Variants in SDK2 observed in about 807,000 individuals in gnomAD.
The protein encoded by SDK2 is protein sidekick-2.
SDK2 carries 105 observed loss-of-function variants against 253.9 expected under a neutral mutation model. That is an observed-to-expected ratio of 0.41 (90% CI 0.35 to 0.49). The LOEUF (loss-of-function observed/expected upper bound fraction) is 0.49. SDK2 is among the 20% of genes least tolerant of loss of function. The probability of loss-of-function intolerance (pLI) is 0.06; values close to 1 mark genes in which losing one functional copy is unlikely to be tolerated. For missense variants in SDK2, 2,608 were observed against 3,003.0 expected (o/e 0.87, Z 3.07); for synonymous variants, 1,249 against 1,234.9 (o/e 1.01, Z -0.24).
chr17:73,615,556 TCCCCAAGC>T (rs2046042788), intron 1 of SDK2, among the ~76,000 whole-genome samples: 1 of 152,136 alleles, frequency 6.6e-6, no homozygotes, highest in African/African-American at 2.4e-5. Context: ...ACAGACCTTC[TCCCCAAGC>T]CCCGTCCCTC....
intron 38 of SDK2, among the ~76,000 whole-genome samples, chr17:73,362,175 T>C (rs2062647151): frequency 1.3e-5 from 2 of 152,264 alleles, no homozygotes; most frequent in South Asian, 4.1e-4. Context: ...TCCTGTTTAA[T>C]GTAACCTCTG....
chr17:73,610,200 C>G (rs1304648822), intron 1 of SDK2, among the ~76,000 whole-genome samples: 1 of 152,206 alleles, frequency 6.6e-6, no homozygotes, highest in Non-Finnish European at 1.5e-5. Context: ...AAAGTATACC[C>G]TAAAAGTTGT....
At chr17:73,547,239 AG>A (rs2145831040) in intron 1 of SDK2, among the ~76,000 whole-genome samples, 1 of 152,364 alleles carries the variant, frequency 6.6e-6, no homozygotes, top group East Asian at 1.9e-4. Flanking sequence ...GCAGGTCTCT[AG>A]GGCTCAACTT....
At chr17:73,564,780 G>A (rs1021133092) in intron 1 of SDK2, among the ~76,000 whole-genome samples, 4 of 151,798 alleles carry the variant, frequency 2.6e-5, no homozygotes, top group Non-Finnish European at 4.4e-5. Context: ...GGCCGAGATC[G>A]CGCCACTGCA....
chr17:73,569,736 A>G (rs1331071990), intron 1 of SDK2, among the ~76,000 whole-genome samples: 2 of 151,988 alleles, frequency 1.3e-5, no homozygotes, highest in Non-Finnish European at 2.9e-5. Flanking sequence ...GGGAAAGATC[A>G]GACGAGAAAA....
chr17:73,607,187 C>T (rs1476481272), intron 1 of SDK2, among the ~76,000 whole-genome samples: 1 of 152,216 alleles, frequency 6.6e-6, no homozygotes, highest in African/African-American at 2.4e-5. Context: ...GAGGACTTCA[C>T]AGGATCCTCC....
In SDK2 at chr17:73,373,452, T is replaced by C. The variant is rs1568370402; in HGVS notation, c.4981-4859A>G. On this transcript the variant is annotated intron_variant, in intron 36 of 44. Transcript: ENST00000392650. ...GGAACTTCCATACCGTTATCCATAA[T>C]GGCTGTACTGATATACGTTCCCACC... Among the ~76,000 whole-genome samples, 3 of 152,224 alleles carry C rather than the reference T, an allele frequency of 2.0e-5. No individual in the cohort carries two copies. The South Asian group carries it at 6.2e-4, about 32-fold the overall frequency.
chr17:73,408,047 C>CATTTTTT (rs2063094097), intron 18 of SDK2, among the ~76,000 whole-genome samples: 3 of 66,246 alleles, frequency 4.5e-5, no homozygotes, highest in Non-Finnish European at 6.6e-5. Flanking sequence ...AAAATATTTC[C>CATTTTTT]TTTTTTTTTT....
intron 3 of SDK2, 61 bp downstream of exon 3, chr17:73,472,051 G>T: frequency 8.2e-7 from 1 of 1,222,580 alleles, no homozygotes; most frequent in Non-Finnish European, 1.2e-6. Context: ...GGATGTGGCT[G>T]GTGGGTGCCA....
chr17:73,491,802 T>G (rs1292412795), intron 2 of SDK2, among the ~76,000 whole-genome samples: 5 of 152,154 alleles, frequency 3.3e-5, no homozygotes, highest in Non-Finnish European at 7.4e-5. Flanking sequence ...AGTGGGAGAA[T>G]TGGACCAGAA....
intron 18 of SDK2, among the ~76,000 whole-genome samples, chr17:73,413,429 A>C (rs2063155566): frequency 2.0e-5 from 3 of 152,046 alleles, no homozygotes; most frequent in Non-Finnish European, 2.9e-5. Context: ...GTGCACAATA[A>C]TGTCATGTGC....
In SDK2 at chr17:73,386,766, C is replaced by T. The variant is rs114331225; in HGVS notation, c.4395-218G>A. 5.1e-3 allele frequency among the ~76,000 whole-genome samples: 784 copies of T among 152,300 alleles called. 7 individuals are homozygous for T. Among genetic ancestry groups the T allele is most frequent in the African/African-American group, 0.018 (758 of 41,558 alleles). On this transcript the variant is annotated intron_variant, in intron 30 of 44. Coordinates refer to ENST00000392650, the MANE Select transcript of SDK2 (RefSeq NM_001144952.2). ...GGGGTCCCAAGCACCTAGACCAGGTCCTCCAGACCATGCCAGCTTGGGGTG... is the reference window on the plus strand; with the variant it reads ...GGGGTCCCAAGCACCTAGACCAGGTTCTCCAGACCATGCCAGCTTGGGGTG...
chr17:73,507,746 G>T, intron 1 of SDK2, 149 bp from the exon 2 acceptor site: 1 of 797,030 alleles, frequency 1.3e-6, no homozygotes, highest in Non-Finnish European at 1.9e-6. Flanking sequence ...ACTTGAACCT[G>T]GGTCAGTCTG....
At chr17:73,566,643 T>C (rs1384771382) in intron 1 of SDK2, among the ~76,000 whole-genome samples, 1 of 152,066 alleles carries the variant, frequency 6.6e-6, no homozygotes, top group African/African-American at 2.4e-5. Context: ...CAAACACTTA[T>C]TAAAAACTGG....
chr17:73,528,604 A>G (rs935297942), intron 1 of SDK2, among the ~76,000 whole-genome samples: 2 of 152,168 alleles, frequency 1.3e-5, no homozygotes, highest in African/African-American at 4.8e-5. Flanking sequence ...CCAGGTGAAC[A>G]GCGAGGGCTG....
chr17:73,365,571 T>C (rs1422545647), intron 37 of SDK2, among the ~76,000 whole-genome samples, 176 bp from the exon 38 acceptor site: 1 of 152,080 alleles, frequency 6.6e-6, no homozygotes, highest in Non-Finnish European at 1.5e-5. Context: ...GCCCCCTTCC[T>C]CTCCTCTCTC....
Position 73,338,547 on chromosome 17 carries a change from T to C in SDK2, c.*40A>G. On this transcript the variant is annotated 3_prime_UTR_variant, in exon 45 of 45. Transcript: ENST00000392650. The surrounding 1 kb of genome is among the most constrained non-coding windows in gnomAD (Gnocchi z 5.0). ...AGTGAGAGGAGGGGTGAAGGAGGAG[T>C]TTGGTGCCATTTCTCTTTCTGCTTT... The C allele has an allele frequency of 8.1e-7, 1 of 1,229,156 alleles. No individual in the cohort carries two copies. The highest frequency in any genetic ancestry group is 2.4e-5 in the East Asian group (1 of 42,032). 76.1% of individuals were successfully genotyped at this position (1,229,156 alleles called of 1,614,324 possible). A position where few individuals can be genotyped will look rare whatever the true frequency, so the allele number is the denominator to read the frequency against.
intron 1 of SDK2, among the ~76,000 whole-genome samples, chr17:73,535,364 G>A (rs1033211061): frequency 9.9e-5 from 15 of 152,128 alleles, no homozygotes; most frequent in African/African-American, 3.1e-4. Context: ...TCCTGGTGTC[G>A]CTGACAGGAA....
At chr17:73,552,797 G>A (rs2045082216) in intron 1 of SDK2, among the ~76,000 whole-genome samples, 1 of 152,178 alleles carries the variant, frequency 6.6e-6, no homozygotes, top group African/African-American at 2.4e-5. Flanking sequence ...CTTCATCTTT[G>A]AACCAACTCA....
Sources: gnomAD v4.1 joint callset for allele counts (sites outside exome capture counted in the v4.1 genomes callset) on GRCh38, gnomAD v4.1.1 for gene constraint, Gnocchi (gnomAD v3.1) non-coding constraint, MANE v1.5 for transcripts, NCBI Gene and HGNC (gene_info 2026-07-23, HGNC 2026-07-21) for gene names.